The following AHCYL2 variants were observed in gnomAD, a reference collection of about 807,000 sequenced individuals.
AHCYL2 encodes the protein S-adenosylhomocysteine hydrolase-like protein 2.
Under a neutral mutation model 81.4 loss-of-function variants are expected in AHCYL2, and 28 were observed. That is an observed-to-expected ratio of 0.34 (90% confidence interval 0.25 to 0.47). The LOEUF (loss-of-function observed/expected upper bound fraction) is 0.47. Among genes scored for constraint, AHCYL2 ranks in the 20% least tolerant of loss-of-function variants. AHCYL2 has a pLI of 1.00. For synonymous variants in AHCYL2, 272 were observed against 290.2 expected, an observed-to-expected ratio of 0.94 and a Z score of 0.64; for missense variants, 551 against 785.1, an observed-to-expected ratio of 0.70 and a Z score of 3.56.
chr7:129,250,138 C>CA (rs958053776), intron 1 of AHCYL2, among the ~76,000 whole-genome samples: 7 of 148,280 alleles, frequency 4.7e-5, no homozygotes, highest in South Asian at 2.1e-4. Flanking sequence ...CCATCTCTTC[C>CA]AAAAAAAAAA....
In AHCYL2 at chr7:129,403,860, C is replaced by CAAA. The variant is rs34806455; in HGVS notation, c.1025+404_1025+406dup. ...TGGGTGACAGAGCGAGACTCCATCTCAAAAAAAAAAAAAAAAAAAAAAAAA... is the reference window on the plus strand; with the variant it reads ...TGGGTGACAGAGCGAGACTCCATCTCAAAAAAAAAAAAAAAAAAAAAAAAAAAA... On this transcript the variant is annotated intron_variant, in intron 7 of 16. Coordinates refer to ENST00000325006, the MANE Select transcript of AHCYL2 (RefSeq NM_015328.4). Among the ~76,000 whole-genome samples the CAAA allele has an allele frequency of 5.2e-3, 418 of 80,136 alleles. 32 individuals are homozygous for CAAA. The highest frequency in any genetic ancestry group is 7.1e-3 in the African/African-American group (177 of 24,924). 52.6% of individuals were successfully genotyped at this position (80,136 alleles called of 152,430 possible). A position where few individuals can be genotyped will look rare whatever the true frequency, so the allele number is the denominator to read the frequency against.
chr7:129,382,459 GC>G (rs1795002743), intron 2 of AHCYL2, among the ~76,000 whole-genome samples: 2 of 152,134 alleles, frequency 1.3e-5, no homozygotes, highest in African/African-American at 4.8e-5. Context: ...AATTAGCCAG[GC>G]GTCGTGGCGC....
At chr7:129,370,210 A>G (rs1794315219) in intron 1 of AHCYL2, among the ~76,000 whole-genome samples, 1 of 152,194 alleles carries the variant, frequency 6.6e-6, no homozygotes. Flanking sequence ...CTCAAAGTTC[A>G]GTAGTGGCTC....
intron 15 of AHCYL2, 25 bp downstream of exon 15, chr7:129,425,166 A>G: frequency 1.9e-6 from 3 of 1,598,864 alleles, no homozygotes; most frequent in East Asian, 4.5e-5. Context: ...TTCCATCTCC[A>G]TCCTTACCAA....
chr7:129,261,997 G>A (rs555587236), intron 1 of AHCYL2, among the ~76,000 whole-genome samples: 1 of 152,048 alleles, frequency 6.6e-6, no homozygotes, highest in Non-Finnish European at 1.5e-5. Flanking sequence ...TTTTAACATG[G>A]TAGAAGGGCC....
intron 1 of AHCYL2, among the ~76,000 whole-genome samples, chr7:129,257,051 C>CT (rs1440688674): frequency 6.6e-6 from 1 of 152,126 alleles, no homozygotes; most frequent in Non-Finnish European, 1.5e-5. Context: ...GAGGCATAGA[C>CT]TGAAAACACC....
chr7:129,377,371 C>T (rs187099951), intron 1 of AHCYL2, among the ~76,000 whole-genome samples: 160 of 152,280 alleles, frequency 1.1e-3, no homozygotes, highest in African/African-American at 3.8e-3. Context: ...GATGAGTTTT[C>T]CTATTGCTGA....
chr7:129,256,958 G>C (rs1795450526), intron 1 of AHCYL2, among the ~76,000 whole-genome samples: 1 of 152,070 alleles, frequency 6.6e-6, no homozygotes, highest in African/African-American at 2.4e-5. Flanking sequence ...TTATTGTGCT[G>C]TTGAATTGAA....
At chr7:129,313,428 G>T (rs917237848) in intron 1 of AHCYL2, among the ~76,000 whole-genome samples, 1 of 152,236 alleles carries the variant, frequency 6.6e-6, no homozygotes, top group Non-Finnish European at 1.5e-5. Context: ...CTGGCCGTGA[G>T]TGTGGTTCAT....
At chr7:129,247,020 TATG>T (rs1795086489) in intron 1 of AHCYL2, among the ~76,000 whole-genome samples, 1 of 152,276 alleles carries the variant, frequency 6.6e-6, no homozygotes, top group African/African-American at 2.4e-5. Flanking sequence ...ATAATGCAGT[TATG>T]ATCAATTATG....
chr7:129,383,870 A>AT (rs1423383457), intron 2 of AHCYL2, among the ~76,000 whole-genome samples: 1 of 152,176 alleles, frequency 6.6e-6, no homozygotes. Flanking sequence ...TTCACCAAAA[A>AT]TTATCAACTT....
In AHCYL2 at chr7:129,426,613, C is replaced by T. The variant is rs1797376458; in HGVS notation, c.1829+50C>T. The T allele has an allele frequency of 6.3e-7, 1 of 1,588,548 alleles. No individual in the cohort carries two copies. The highest frequency in any genetic ancestry group is 8.6e-7 in the Non-Finnish European group (1 of 1,169,434). On this transcript the variant is annotated intron_variant, in intron 16 of 16. Transcript: ENST00000325006. The surrounding 1 kb of genome is among the most constrained non-coding windows in gnomAD (Gnocchi z 4.3). ...GGGACACCTGGGCAGTGATGAGCTT[C>T]CTGCACTGGAATTGGTCTTTGCATC...
chr7:129,252,984 G>A (rs569006134), intron 1 of AHCYL2, among the ~76,000 whole-genome samples: 7 of 152,144 alleles, frequency 4.6e-5, no homozygotes, highest in South Asian at 2.1e-4. Context: ...TGAGGTGGGC[G>A]GATCATGAGG....
At chr7:129,346,388 A>G (rs1156254127) in intron 1 of AHCYL2, among the ~76,000 whole-genome samples, 1 of 152,180 alleles carries the variant, frequency 6.6e-6, no homozygotes, top group Non-Finnish European at 1.5e-5. Flanking sequence ...CATAAGACCT[A>G]TATGATAAAG....
At chr7:129,323,027 ATCT>A (rs1430750912) in intron 1 of AHCYL2, among the ~76,000 whole-genome samples, 3 of 151,914 alleles carry the variant, frequency 2.0e-5, no homozygotes, top group African/African-American at 4.8e-5. Flanking sequence ...TAGTTCATTG[ATCT>A]TCTCAAAGAA....
chr7:129,281,021 G>A (rs889315947), intron 1 of AHCYL2, among the ~76,000 whole-genome samples: 38 of 151,970 alleles, frequency 2.5e-4, no homozygotes, highest in Non-Finnish European at 1.5e-4. Context: ...CCGCCACCAT[G>A]CCTGGCTAAT....
chr7:129,358,471 G>A (rs1793821071), intron 1 of AHCYL2, among the ~76,000 whole-genome samples: 2 of 151,980 alleles, frequency 1.3e-5, no homozygotes, highest in African/African-American at 2.4e-5. Flanking sequence ...AGAACATTAT[G>A]CTAAGTGAAA....
In AHCYL2 at chr7:129,363,910, T is replaced by C. The variant is rs116068110; in HGVS notation, c.364-15728T>C. On this transcript the variant is annotated intron_variant, in intron 1 of 16. Coordinates refer to ENST00000325006, the MANE Select transcript of AHCYL2 (RefSeq NM_015328.4). The stretch of plus-strand genomic sequence containing the variant: ...TTTAACACTATCATGAAGGTTGTCA[T>C]CTTCTATTTATTTAATAAATCATTA... Among the ~76,000 whole-genome samples, 746 of 152,246 alleles carry C rather than the reference T, an allele frequency of 4.9e-3. 7 individuals are homozygous for C. The highest frequency in any genetic ancestry group is 0.017 in the African/African-American group (713 of 41,534).
intron 1 of AHCYL2, among the ~76,000 whole-genome samples, chr7:129,266,398 A>C (rs1352046430): frequency 6.6e-6 from 1 of 152,206 alleles, no homozygotes; most frequent in Non-Finnish European, 1.5e-5. Flanking sequence ...GTGGTGGCTC[A>C]CGCCTGTAAT....
Sources: gnomAD v4.1 joint callset for allele counts (sites outside exome capture counted in the v4.1 genomes callset) on GRCh38, gnomAD v4.1.1 for gene constraint, Gnocchi (gnomAD v3.1) non-coding constraint, MANE v1.5 for transcripts, NCBI Gene and HGNC (gene_info 2026-07-23, HGNC 2026-07-21) for gene names.